The following RASA1 variants were observed in gnomAD, a reference collection of about 807,000 sequenced individuals.
RASA1 encodes RAS p21 protein activator 1.
Under a neutral mutation model 132.2 loss-of-function variants are expected in RASA1, and 25 were observed. That is an observed-to-expected ratio of 0.19 (90% confidence interval 0.14 to 0.26). The LOEUF (loss-of-function observed/expected upper bound fraction) is 0.26. RASA1 is among the 10% of genes least tolerant of loss of function. The probability of loss-of-function intolerance (pLI) is 1.00; values close to 1 mark genes in which losing one functional copy is unlikely to be tolerated. For missense variants in RASA1, 964 were observed against 1,299.2 expected, an observed-to-expected ratio of 0.74 and a Z score of 3.97; for synonymous variants, 477 against 449.9, an observed-to-expected ratio of 1.06 and a Z score of -0.76.
chr5:87,359,449 G>T (rs1759907419), intron 9 of RASA1, among the ~76,000 whole-genome samples: 1 of 152,124 alleles, frequency 6.6e-6, no homozygotes, highest in African/African-American at 2.4e-5. Flanking sequence ...TAGTGTATTG[G>T]AATCTTTTAG....
intron 11 of RASA1, among the ~76,000 whole-genome samples, chr5:87,364,925 A>G (rs1256187990): frequency 2.0e-5 from 3 of 152,210 alleles, no homozygotes; most frequent in Non-Finnish European, 2.9e-5. Context: ...GTTGCTGGAA[A>G]TGATCTCACC....
At chr5:87,386,096 T>C (rs575516904) in intron 22 of RASA1, among the ~76,000 whole-genome samples, 33 of 152,152 alleles carry the variant, frequency 2.2e-4, no homozygotes, top group African/African-American at 7.2e-4. Context: ...CCAGAACTCA[T>C]TGGGTACTAT....
chr5:87,295,371 T>TA (rs1389564216), intron 1 of RASA1, among the ~76,000 whole-genome samples: 3 of 152,006 alleles, frequency 2.0e-5, no homozygotes, highest in Admixed American at 6.5e-5. Context: ...CCATATTTCT[T>TA]ACGATTTTCT....
chr5:87,272,036 C>T (rs1040970304), intron 1 of RASA1, among the ~76,000 whole-genome samples: 1 of 151,530 alleles, frequency 6.6e-6, no homozygotes, highest in Non-Finnish European at 1.5e-5. Flanking sequence ...CCTGTAATCC[C>T]AGCTACTCTG....
intron 1 of RASA1, among the ~76,000 whole-genome samples, chr5:87,297,977 C>T (rs550473251): frequency 6.6e-6 from 1 of 152,248 alleles, no homozygotes; most frequent in East Asian, 1.9e-4. Flanking sequence ...GCCTACCTGT[C>T]TCTCAATTTT....
At chr5:87,288,555 G>A (rs1320617075) in intron 1 of RASA1, among the ~76,000 whole-genome samples, 2 of 152,074 alleles carry the variant, frequency 1.3e-5, no homozygotes, top group Admixed American at 6.6e-5. Context: ...TGGTCATAAT[G>A]GACTCATGTA....
chr5:87,290,619 A>G (rs886192009), intron 1 of RASA1, among the ~76,000 whole-genome samples: 1 of 152,172 alleles, frequency 6.6e-6, no homozygotes, highest in Non-Finnish European at 1.5e-5. Flanking sequence ...TTCATTGCCT[A>G]AAAATCCTGT....
At position 87,267,942 on chromosome 5, in the gene RASA1, C is replaced by G. The variant is rs987158183; in HGVS notation, c.-510C>G. 2 of 392,376 alleles carry G rather than the reference C, an allele frequency of 5.1e-6. No homozygotes were observed. Among genetic ancestry groups the G allele is most frequent in the Non-Finnish European group, 8.9e-6 (2 of 224,278 alleles). The allele number at this position is 392,376 out of a possible 1,614,324, so 24.3% of individuals were successfully genotyped here. ...TCGATTTCCTCGTTACCCCGCCCCC[C>G]TTTCTCTTGCCCCCCCACCCCTCTC... On this transcript the variant is annotated 5_prime_UTR_variant, in exon 1 of 25. Coordinates refer to ENST00000274376, the MANE Select transcript of RASA1 (RefSeq NM_002890.3).
chr5:87,284,124 A>G (rs1386977787), intron 1 of RASA1, among the ~76,000 whole-genome samples: 1 of 152,114 alleles, frequency 6.6e-6, no homozygotes, highest in Non-Finnish European at 1.5e-5. Flanking sequence ...TTTTTTTCTT[A>G]TCAGTGTTAC....
At chr5:87,380,676 T>G (rs1761646905) in intron 20 of RASA1, 81 bp downstream of exon 20, 3 of 1,256,702 alleles carry the variant, frequency 2.4e-6, no homozygotes, top group Non-Finnish European at 3.5e-6. Context: ...CAATATACAA[T>G]TCAATGCTTT....
chr5:87,287,756 G>GTACATGCCATATATA (rs1754709876), intron 1 of RASA1, among the ~76,000 whole-genome samples: 1 of 122,498 alleles, frequency 8.2e-6, no homozygotes, highest in African/African-American at 3.2e-5. Context: ...ATACCATTAT[G>GTACATGCCATATATA]TACACGCCAT....
At position 87,268,988 on chromosome 5, in the gene RASA1, C is replaced by T; in HGVS notation, c.537C>T (p.Asn179=). ...TACCGTTGACCGCTCCTCCAACTAA[C>T]CAGTAAGTTAAGACTGCTGTTCAGG... is the stretch of plus-strand genomic sequence containing the variant. ...VAIPLTAPPT[N]QWYHGKLDRT... is the part of the protein sequence containing the mutation. Residue 179 remains asparagine (N), a splice_region_variant and synonymous_variant, in exon 1 of 25, where the codon AAC becomes AAT. Coordinates refer to ENST00000274376, the MANE Select transcript of RASA1 (RefSeq NM_002890.3). 6.2e-7 allele frequency: 1 copy of T among 1,614,182 alleles called. No individual in the cohort carries two copies. Among genetic ancestry groups the T allele is most frequent in the Non-Finnish European group, 8.5e-7 (1 of 1,180,028 alleles).
At chr5:87,357,463 T>C (rs2112442384) in intron 9 of RASA1, among the ~76,000 whole-genome samples, 1 of 152,272 alleles carries the variant, frequency 6.6e-6, no homozygotes, top group African/African-American at 2.4e-5. Context: ...TTCCCCATAC[T>C]GAATTTGTAC....
intron 8 of RASA1, 150 bp from the exon 9 acceptor site, chr5:87,353,007 A>G: frequency 1.6e-6 from 1 of 631,968 alleles, no homozygotes; most frequent in Non-Finnish European, 2.9e-6. Context: ...TATGAATGTT[A>G]TGATCATTTA....
At chr5:87,341,689 G>A (rs1034628542) in intron 6 of RASA1, among the ~76,000 whole-genome samples, 3 of 151,610 alleles carry the variant, frequency 2.0e-5, no homozygotes, top group Non-Finnish European at 4.4e-5. Context: ...CCAAAATAAC[G>A]GTTCTTCACA....
At position 87,308,998 on chromosome 5, in the gene RASA1, G is replaced by T. The variant is rs1755747646; in HGVS notation, c.540-22350G>T. Among the ~76,000 whole-genome samples, 3 of 152,012 alleles carry T rather than the reference G, an allele frequency of 2.0e-5. No homozygotes were observed. The South Asian group carries it at 6.2e-4, about 31-fold the overall frequency. ...TGCATAAGATTAAGTTTTCTAATAG[G>T]CAATGTATATTTTCACAGAGGGGAA... On this transcript the variant is annotated intron_variant, in intron 1 of 24. Coordinates refer to ENST00000274376, the MANE Select transcript of RASA1 (RefSeq NM_002890.3).
At chr5:87,331,534 TG>T (rs771945497) in intron 2 of RASA1, 34 bp downstream of exon 2, 3 of 1,601,378 alleles carry the variant, frequency 1.9e-6, no homozygotes, top group South Asian at 2.2e-5. Context: ...AGCCAAATGA[TG>T]TAGCTATTTT....
At chr5:87,367,026 G>C (rs1442890705) in intron 11 of RASA1, among the ~76,000 whole-genome samples, 3 of 152,176 alleles carry the variant, frequency 2.0e-5, no homozygotes, top group Non-Finnish European at 4.4e-5. Flanking sequence ...GTGAGGCCCG[G>C]TCTCAAACAA....
chr5:87,350,341 C>A (rs947622256), intron 8 of RASA1, among the ~76,000 whole-genome samples: 1 of 151,768 alleles, frequency 6.6e-6, no homozygotes, highest in Non-Finnish European at 1.5e-5. Flanking sequence ...ACTGAAAATA[C>A]AGCTAGCTGC....
Sources: gnomAD v4.1 joint callset for allele counts (sites outside exome capture counted in the v4.1 genomes callset) on GRCh38, gnomAD v4.1.1 for gene constraint, MANE v1.5 for transcripts, NCBI Gene and HGNC (gene_info 2026-07-23, HGNC 2026-07-21) for gene names.